TENM3: variants seen among roughly 807,000 people sequenced by gnomAD.
TENM3 encodes teneurin-3.
TENM3 carries 63 observed loss-of-function variants against 255.1 expected under a neutral mutation model. The ratio of observed to expected loss-of-function variants is 0.25; its 90% CI spans 0.20 to 0.30. The LOEUF (loss-of-function observed/expected upper bound fraction) is 0.30. Among genes scored for constraint, TENM3 ranks in the 10% least tolerant of loss-of-function variants. The pLI is 1.00. For missense variants in TENM3, 2,929 were observed against 3,461.1 expected, an observed-to-expected ratio of 0.85 and a Z score of 3.86; for synonymous variants, 1,306 against 1,322.3, an observed-to-expected ratio of 0.99 and a Z score of 0.27.
At chr4:182,392,590 C>T (rs188499711) in intron 3 of TENM3, among the ~76,000 whole-genome samples, 76 of 152,166 alleles carry the variant, frequency 5.0e-4, no homozygotes, top group Admixed American at 4.1e-3. Flanking sequence ...GCCTTGGAGC[C>T]CTGAGTTATT....
chr4:182,248,331 GAAAAAAAATGGAAA>G (rs1407839289), intron 1 of TENM3, among the ~76,000 whole-genome samples: 1 of 151,588 alleles, frequency 6.6e-6, no homozygotes, highest in Non-Finnish European at 1.5e-5. Flanking sequence ...TATTGTCAAA[GAAAAAAAATGGAAA>G]TTCTTAGACC....
chr4:182,011,120 A>G, the TENM3 span, among the ~76,000 whole-genome samples: 3 of 152,222 alleles, frequency 2.0e-5, no homozygotes, highest in Admixed American at 1.3e-4. Flanking sequence ...TCAAATGCGT[A>G]TCTCCAGCCC....
At chr4:181,514,291 A>T in the TENM3 span, among the ~76,000 whole-genome samples, 1 of 152,180 alleles carries the variant, frequency 6.6e-6, no homozygotes, top group Non-Finnish European at 1.5e-5. Context: ...TTTAAAAAAA[A>T]TTTAAAGCTT....
At chr4:181,805,360 T>C in the TENM3 span, among the ~76,000 whole-genome samples, 2 of 152,014 alleles carry the variant, frequency 1.3e-5, no homozygotes, top group African/African-American at 4.8e-5. Flanking sequence ...TCTACCTCCC[T>C]GCGGTGGAAG....
At chr4:182,749,051 T>C (rs936877976) in intron 19 of TENM3, among the ~76,000 whole-genome samples, 6 of 152,158 alleles carry the variant, frequency 3.9e-5, no homozygotes, top group African/African-American at 1.4e-4. Context: ...TGAATGTCCA[T>C]TCGTTTTTGC....
chr4:182,640,398 C>G (rs1309814710), intron 5 of TENM3, among the ~76,000 whole-genome samples: 1 of 152,130 alleles, frequency 6.6e-6, no homozygotes, highest in Non-Finnish European at 1.5e-5. Flanking sequence ...TTTTTGTTAA[C>G]TACATTTCTA....
intron 6 of TENM3, among the ~76,000 whole-genome samples, chr4:182,669,239 GTATTA>G (rs750797817): frequency 1.5e-4 from 23 of 151,874 alleles, no homozygotes; most frequent in African/African-American, 4.8e-4. Flanking sequence ...AACATAAAGA[GTATTA>G]TATTATAATA....
At chr4:181,684,944 T>TTA in the TENM3 span, among the ~76,000 whole-genome samples, 3,203 of 101,588 alleles carry the variant, frequency 0.032, 159 homozygotes, top group Non-Finnish European at 0.052. Context: ...TTTTTTTTTT[T>TTA]AAGTAGAAAC....
chr4:181,903,809 A>T, the TENM3 span, among the ~76,000 whole-genome samples: 1 of 152,092 alleles, frequency 6.6e-6, no homozygotes, highest in Non-Finnish European at 1.5e-5. Flanking sequence ...ACACCTTCTC[A>T]TCTGACTGAT....
chr4:181,964,153 T>G, the TENM3 span, among the ~76,000 whole-genome samples: 1 of 151,470 alleles, frequency 6.6e-6, no homozygotes, highest in Non-Finnish European at 1.5e-5. Flanking sequence ...ATAGACTGAT[T>G]AGGGCCTTTG....
At chr4:182,542,060 C>CA (rs1007026583) in intron 3 of TENM3, among the ~76,000 whole-genome samples, 106 of 150,430 alleles carry the variant, frequency 7.0e-4, no homozygotes, top group South Asian at 6.9e-3. Context: ...CTCTGTCTCT[C>CA]AAAAAAAAAG....
intron 4 of TENM3, among the ~76,000 whole-genome samples, chr4:182,617,612 C>G (rs1384757385): frequency 6.6e-6 from 1 of 152,156 alleles, no homozygotes; most frequent in Non-Finnish European, 1.5e-5. Flanking sequence ...TAAGTGAGAA[C>G]TTTTGGATAT....
chr4:181,456,924 C>A, the TENM3 span, among the ~76,000 whole-genome samples: 1 of 151,512 alleles, frequency 6.6e-6, no homozygotes, highest in Non-Finnish European at 1.5e-5. Context: ...AGAAAATTAC[C>A]CTATATAGTT....
the TENM3 span, among the ~76,000 whole-genome samples, chr4:182,130,557 C>T: frequency 2.6e-5 from 4 of 152,200 alleles, no homozygotes; most frequent in East Asian, 1.9e-4. Context: ...TAGTCAGAGA[C>T]GTTACCCTCA....
chr4:181,981,471 A>G, the TENM3 span, among the ~76,000 whole-genome samples: 1 of 152,226 alleles, frequency 6.6e-6, no homozygotes, highest in African/African-American at 2.4e-5. Context: ...ATTCAAATCT[A>G]TTGAAACTAA....
intron 6 of TENM3, among the ~76,000 whole-genome samples, chr4:182,665,142 G>A (rs1343679955): frequency 6.6e-6 from 1 of 152,166 alleles, no homozygotes; most frequent in Admixed American, 6.5e-5. Flanking sequence ...GGCTGACTCT[G>A]TTAGTGATGC....
At chr4:182,328,209 GT>G (rs1345819007) in intron 2 of TENM3, among the ~76,000 whole-genome samples, 7 of 151,484 alleles carry the variant, frequency 4.6e-5, no homozygotes, top group African/African-American at 1.7e-4. Flanking sequence ...GAAGGACTCT[GT>G]TTTTTGTTTT....
At chr4:181,701,698 A>C in the TENM3 span, among the ~76,000 whole-genome samples, 1 of 152,224 alleles carries the variant, frequency 6.6e-6, no homozygotes, top group African/African-American at 2.4e-5. Flanking sequence ...GATTTTGAAT[A>C]AATATTTCAT....
chr4:182,012,798 A>G, the TENM3 span: 1 of 152,182 alleles, frequency 6.6e-6, no homozygotes, highest in Non-Finnish European at 1.5e-5. Context: ...ACTTCATTAG[A>G]TGAAGGGAAT....
Sources: allele counts gnomAD v4.1 joint callset (sites outside exome capture counted in the v4.1 genomes callset), GRCh38; gene constraint gnomAD v4.1.1; transcripts MANE v1.5; gene names NCBI Gene and HGNC (gene_info 2026-07-23, HGNC 2026-07-21).